LTBP1: variants seen among roughly 807,000 people sequenced by gnomAD.
LTBP1 encodes the protein latent-transforming growth factor beta-binding protein 1.
A neutral mutation model predicts 207.6 loss-of-function variants in LTBP1; 129 were observed. The ratio of observed to expected loss-of-function variants is 0.62; its 90% CI spans 0.54 to 0.72. The LOEUF (loss-of-function observed/expected upper bound fraction) is 0.72. LTBP1 is among the 30% of genes least tolerant of loss of function. LTBP1 has a pLI of 0.00. For synonymous variants in LTBP1, 963 were observed against 833.7 expected, an observed-to-expected ratio of 1.16 and a Z score of -2.67; for missense variants, 2,281 against 2,217.2, an observed-to-expected ratio of 1.03 and a Z score of -0.58.
At chr2:33,172,769 G>C (rs2085594494) in intron 5 of LTBP1, among the ~76,000 whole-genome samples, 1 of 152,154 alleles carries the variant, frequency 6.6e-6, no homozygotes, top group Admixed American at 6.6e-5. Context: ...GCTCTCCTCA[G>C]CAAATGTAAA....
intron 3 of LTBP1, among the ~76,000 whole-genome samples, chr2:33,066,453 CT>C (rs963757693): frequency 3.5e-4 from 53 of 152,092 alleles, no homozygotes; most frequent in Middle Eastern, 3.4e-3. Flanking sequence ...CTTACAGTGA[CT>C]TTTTTTTATT....
chr2:33,003,559 A>G (rs987165478), intron 2 of LTBP1, among the ~76,000 whole-genome samples: 1 of 152,208 alleles, frequency 6.6e-6, no homozygotes, highest in Non-Finnish European at 1.5e-5. Flanking sequence ...GCAGAACTTG[A>G]AGCGCTGTCC....
At chr2:32,978,649 C>G (rs907273392) in intron 2 of LTBP1, among the ~76,000 whole-genome samples, 7 of 148,790 alleles carry the variant, frequency 4.7e-5, no homozygotes, top group Admixed American at 6.7e-5. Context: ...AGGATATTGG[C>G]CTGTAGTTTT....
At chr2:33,208,865 A>ATTTTTTT (rs3053310) in intron 7 of LTBP1, among the ~76,000 whole-genome samples, 4 of 112,988 alleles carry the variant, frequency 3.5e-5, no homozygotes, top group Non-Finnish European at 5.2e-5. Context: ...TCTTGCTACT[A>ATTTTTTT]TTTTTTTTTT....
At chr2:33,327,453 CAG>C (rs1459191967) in intron 24 of LTBP1, among the ~76,000 whole-genome samples, 1 of 152,048 alleles carries the variant, frequency 6.6e-6, no homozygotes, top group Non-Finnish European at 1.5e-5. Flanking sequence ...ATACTGAAGA[CAG>C]AGGATTCAAA....
chr2:33,307,955 G>C (rs563215376), intron 22 of LTBP1, among the ~76,000 whole-genome samples: 1 of 152,288 alleles, frequency 6.6e-6, no homozygotes, highest in South Asian at 2.1e-4. Flanking sequence ...CACCGTACTT[G>C]AACCAGACAG....
intron 24 of LTBP1, among the ~76,000 whole-genome samples, chr2:33,333,773 A>G (rs2094523833): frequency 2.0e-5 from 3 of 152,210 alleles, no homozygotes; most frequent in Admixed American, 1.3e-4. Flanking sequence ...TCAGAAGAGA[A>G]GTCTAGTCTG....
chr2:33,018,151 AG>A (rs1421566141), intron 2 of LTBP1, among the ~76,000 whole-genome samples: 5 of 148,814 alleles, frequency 3.4e-5, no homozygotes, highest in Non-Finnish European at 7.5e-5. Flanking sequence ...GTAAGTTCAA[AG>A]TTTTTTTTTT....
chr2:33,175,300 C>G (rs1275643284), intron 5 of LTBP1, among the ~76,000 whole-genome samples: 35 of 151,734 alleles, frequency 2.3e-4, no homozygotes, highest in Admixed American at 2.0e-3. Context: ...TGAACTCAAA[C>G]AAATTTACAA....
At chr2:33,378,441 A>G (rs2095171815) in intron 31 of LTBP1, among the ~76,000 whole-genome samples, 1 of 152,126 alleles carries the variant, frequency 6.6e-6, no homozygotes, top group Non-Finnish European at 1.5e-5. Flanking sequence ...CATGTTGCCC[A>G]GGCTGGTTTC....
intron 31 of LTBP1, among the ~76,000 whole-genome samples, chr2:33,384,676 G>A (rs116333935): frequency 5.8e-4 from 88 of 152,358 alleles, no homozygotes; most frequent in African/African-American, 2.1e-3. Flanking sequence ...ATGTTGAGCT[G>A]GATAAAGTAG....
chr2:32,959,621 A>ATATATTTTTTTTTTTT (rs1475834284), intron 2 of LTBP1, among the ~76,000 whole-genome samples: 4 of 36,668 alleles, frequency 1.1e-4, no homozygotes, highest in African/African-American at 2.9e-4. Flanking sequence ...ATATATATAT[A>ATATATTTTTTTTTTTT]TTTTTTTTTT....
intron 33 of LTBP1, among the ~76,000 whole-genome samples, chr2:33,397,674 A>ATTTTT (rs71409616): frequency 5.1e-5 from 6 of 117,498 alleles, no homozygotes; most frequent in African/African-American, 9.5e-5. Flanking sequence ...CACCCGGCTA[A>ATTTTT]TTTTTTTTTT....
rs1266099891 is a variant in LTBP1 at position 33,188,779 on chromosome 2, C to A, written c.1629C>A (p.Val543=). Residue 543 remains valine (V), a synonymous_variant, in exon 7 of 34, where the codon GTC becomes GTA. Transcript: ENST00000404816. ...TIHSTYSHQQ[V]IPHVYPVAAK... is the part of the protein sequence containing the mutation. The stretch of plus-strand genomic sequence containing the variant: ...ATTCCACATACTCCCACCAGCAGGT[C>A]ATTCCTCACGTCTACCCCGTGGCTG... 2 of 1,614,060 alleles carry A rather than the reference C, an allele frequency of 1.2e-6. No homozygotes were observed. The highest frequency in any genetic ancestry group is 2.2e-5 in the South Asian group (2 of 91,064).
chr2:32,995,503 C>T (rs960349657), intron 2 of LTBP1, among the ~76,000 whole-genome samples: 6 of 152,102 alleles, frequency 3.9e-5, no homozygotes, highest in African/African-American at 7.2e-5. Context: ...ATGATTTGGC[C>T]GGGCGCGGTG....
At position 33,279,608 on chromosome 2, in the gene LTBP1, G is replaced by A. The variant is rs548490868; in HGVS notation, c.2993-431G>A. ...TCTTGGGCCCATGAAGCCAAAGTGA[G>A]AATTTCCCTAGAGCATCCAATGTTT... On this transcript the variant is annotated intron_variant, in intron 18 of 33. Coordinates refer to ENST00000404816, the MANE Select transcript of LTBP1 (RefSeq NM_206943.4). 2.0e-5 allele frequency among the ~76,000 whole-genome samples: 3 copies of A among 152,164 alleles called. No homozygotes were observed. The East Asian group carries it at 5.8e-4, about 29-fold the overall frequency.
intron 5 of LTBP1, among the ~76,000 whole-genome samples, chr2:33,135,979 A>G (rs2082116182): frequency 6.6e-6 from 1 of 152,158 alleles, no homozygotes; most frequent in Non-Finnish European, 1.5e-5. Flanking sequence ...GGGGGGTGGT[A>G]GGAGAAGGGG....
Position 33,076,135 on chromosome 2 carries a change from A to G in LTBP1, c.864-34447A>G, listed in dbSNP as rs561484939. On this transcript the variant is annotated intron_variant, in intron 3 of 33. Coordinates refer to ENST00000404816, the MANE Select transcript of LTBP1 (RefSeq NM_206943.4). Reference sequence around the variant, plus strand: ...TATAAGTCTCAAATCATTGAGGTTTATTGAGCAGGATCGGGAGCTCACCAG... The same window carrying G: ...TATAAGTCTCAAATCATTGAGGTTTGTTGAGCAGGATCGGGAGCTCACCAG... Among the ~76,000 whole-genome samples, 4 of 152,240 alleles carry G rather than the reference A, an allele frequency of 2.6e-5. No individual in the cohort carries two copies. In the East Asian group the frequency reaches 7.7e-4, roughly 29 times the overall value.
intron 4 of LTBP1, among the ~76,000 whole-genome samples, chr2:33,112,538 TC>T (rs143260303): frequency 0.089 from 13,594 of 152,222 alleles, 855 homozygotes; most frequent in Non-Finnish European, 0.12. Context: ...TGGCTGTTGT[TC>T]AGAAAGAAGC....
Sources: allele counts gnomAD v4.1 joint callset (sites outside exome capture counted in the v4.1 genomes callset), GRCh38; gene constraint gnomAD v4.1.1; transcripts MANE v1.5; gene names NCBI Gene and HGNC (gene_info 2026-07-23, HGNC 2026-07-21).